C8orf34: variants seen among roughly 807,000 people sequenced by gnomAD.
The protein encoded by C8orf34 is uncharacterized protein C8orf34.
Under a neutral mutation model 68.3 loss-of-function variants are expected in C8orf34, and 65 were observed. The ratio of observed to expected loss-of-function variants is 0.95; its 90% confidence interval spans 0.78 to 1.17. C8orf34 has a LOEUF of 1.17. Ranked by LOEUF, C8orf34 falls within the 50% of genes most tolerant of loss-of-function variation. The pLI, the probability that C8orf34 is intolerant of heterozygous loss-of-function variation, is 0.00. For synonymous variants in C8orf34, 244 were observed against 241.2 expected (o/e 1.01, Z -0.11); for missense variants, 664 against 655.4 (o/e 1.01, Z -0.14).
intron 1 of C8orf34, among the ~76,000 whole-genome samples, chr8:68,361,515 C>A (rs1339900821): frequency 6.6e-6 from 1 of 152,218 alleles, no homozygotes; most frequent in Non-Finnish European, 1.5e-5. Flanking sequence ...TACCACATTA[C>A]TCTATCCAAC....
At chr8:68,625,732 A>G in intron 7 of C8orf34, 1 of 570,088 alleles carries the variant, frequency 1.8e-6, no homozygotes, top group Non-Finnish European at 3.2e-6. Flanking sequence ...ATATACATCA[A>G]CAGCAATTTT....
chr8:68,651,221 T>A (rs1026962811), intron 8 of C8orf34, among the ~76,000 whole-genome samples: 1 of 152,140 alleles, frequency 6.6e-6, no homozygotes, highest in Non-Finnish European at 1.5e-5. Context: ...AAGACTGTGA[T>A]GTGAAGGAAA....
At chr8:68,665,566 G>A (rs943051019) in intron 8 of C8orf34, among the ~76,000 whole-genome samples, 10 of 151,964 alleles carry the variant, frequency 6.6e-5, no homozygotes, top group South Asian at 2.1e-4. Flanking sequence ...ACATCATTTC[G>A]TACCATTCTC....
intron 10 of C8orf34, among the ~76,000 whole-genome samples, chr8:68,757,806 T>A (rs10096688): frequency 0.53 from 80,044 of 151,936 alleles, 22,580 homozygotes; most frequent in African/African-American, 0.73. Context: ...CAGAGACCCA[T>A]GGTCAAATCT....
chr8:68,494,746 C>T (rs562962565), intron 5 of C8orf34, among the ~76,000 whole-genome samples: 14 of 151,844 alleles, frequency 9.2e-5, no homozygotes, highest in Admixed American at 3.9e-4. Context: ...ATATCAGCTA[C>T]TTGGGAGGCT....
intron 1 of C8orf34, among the ~76,000 whole-genome samples, chr8:68,334,613 T>C (rs1210246193): frequency 6.6e-6 from 1 of 152,070 alleles, no homozygotes; most frequent in Non-Finnish European, 1.5e-5. Flanking sequence ...AATCTTAAGT[T>C]ACTAAGAAGC....
chr8:68,749,321 G>A (rs1822625169), intron 10 of C8orf34, among the ~76,000 whole-genome samples: 1 of 151,938 alleles, frequency 6.6e-6, no homozygotes, highest in Admixed American at 6.6e-5. Context: ...GCACCAGCAT[G>A]GCACATGTAT....
chr8:68,517,935 G>T (rs1483836831), intron 5 of C8orf34, among the ~76,000 whole-genome samples: 1 of 152,076 alleles, frequency 6.6e-6, no homozygotes, highest in Admixed American at 6.6e-5. Flanking sequence ...AACTTTATAG[G>T]ATGAAAATCT....
chr8:68,679,028 C>T (rs56372923), intron 8 of C8orf34, among the ~76,000 whole-genome samples: 32,055 of 151,878 alleles, frequency 0.21, 3,627 homozygotes, highest in Middle Eastern at 0.35. Flanking sequence ...AGGCCAGGCA[C>T]GGTGGCTCCT....
chr8:68,758,925 G>C (rs984707434), intron 10 of C8orf34, among the ~76,000 whole-genome samples: 1 of 152,048 alleles, frequency 6.6e-6, no homozygotes, highest in African/African-American at 2.4e-5. Context: ...ATCATTCTTA[G>C]CAACTGGCAC....
intron 5 of C8orf34, among the ~76,000 whole-genome samples, chr8:68,521,518 C>T (rs534375595): frequency 3.3e-5 from 5 of 152,290 alleles, no homozygotes; most frequent in African/African-American, 1.2e-4. Context: ...TTCCTTCTGC[C>T]TTGAATGCTC....
intron 11 of C8orf34, among the ~76,000 whole-genome samples, chr8:68,777,771 A>AT (rs1823563545): frequency 1.3e-5 from 2 of 152,204 alleles, no homozygotes; most frequent in Non-Finnish European, 2.9e-5. Context: ...AAAATCTCCA[A>AT]TTTTATATAA....
In C8orf34 at chr8:68,625,154, A is replaced by ACCTAGCC. The variant is rs1818501693; in HGVS notation, c.1106-15222_1106-15221insCCTAGCC. Among the ~76,000 whole-genome samples, 4 of 152,130 alleles carry ACCTAGCC rather than the reference A, an allele frequency of 2.6e-5. No individual in the cohort carries two copies. In the East Asian group the frequency reaches 7.7e-4, roughly 29 times the overall value. On this transcript the variant is annotated intron_variant, in intron 7 of 13. Coordinates refer to ENST00000518698, the MANE Select transcript of C8orf34 (RefSeq NM_052958.4). ...CATGAATGTAGGGAGAGAACACAGT[A>ACCTAGCC]TGGGTTAGCTAGGTAAAGGCTTCTG...
At chr8:68,575,255 C>T (rs1196360579) in intron 7 of C8orf34, among the ~76,000 whole-genome samples, 1 of 151,892 alleles carries the variant, frequency 6.6e-6, no homozygotes, top group African/African-American at 2.4e-5. Flanking sequence ...TATTAAAACG[C>T]CAATAAAATT....
chr8:68,640,528 G>C lies in C8orf34; in HGVS notation c.1241+17G>C. 6.2e-7 allele frequency: 1 copy of C among 1,605,522 alleles called. No homozygotes were observed. Among genetic ancestry groups the C allele is most frequent in the Non-Finnish European group, 8.5e-7 (1 of 1,176,196 alleles). On this transcript the variant is annotated intron_variant, in intron 8 of 13. Coordinates refer to ENST00000518698, the MANE Select transcript of C8orf34 (RefSeq NM_052958.4). ...GTGTGCCAGGTAAAAGACATAATAG[G>C]TATAGTATATATAAACATGATCTTG...
chr8:68,610,584 C>T (rs1199560221), intron 7 of C8orf34, among the ~76,000 whole-genome samples: 2 of 152,094 alleles, frequency 1.3e-5, no homozygotes, highest in Non-Finnish European at 2.9e-5. Flanking sequence ...GCATACTCAG[C>T]AACAAGTCTT....
intron 6 of C8orf34, among the ~76,000 whole-genome samples, chr8:68,528,673 G>T (rs1815116870): frequency 6.6e-6 from 1 of 152,148 alleles, no homozygotes; most frequent in South Asian, 2.1e-4. Context: ...GGGGCACACT[G>T]GTGCTACCCG....
intron 1 of C8orf34, among the ~76,000 whole-genome samples, chr8:68,389,193 G>T (rs1381897781): frequency 6.6e-6 from 1 of 152,144 alleles, no homozygotes; most frequent in East Asian, 1.9e-4. Context: ...CATGGAGCCT[G>T]TTATATATTG....
rs1805548681 is a variant in C8orf34, at chr8:68,330,992, G to A, written c.-21G>A. ...GCTGCGGAGAGCGGCGAGGGTGGGC[G>A]CGAGGCGGAGAACGCGATGAATGAG... On this transcript the variant is annotated 5_prime_UTR_variant, in exon 1 of 14. Coordinates refer to ENST00000518698, the MANE Select transcript of C8orf34 (RefSeq NM_052958.4). The A allele has an allele frequency of 2.9e-6, 4 of 1,384,072 alleles. No individual in the cohort carries two copies. In the East Asian group the frequency reaches 8.9e-5, roughly 31 times the overall value. 85.7% of individuals were successfully genotyped at this position (1,384,072 alleles called of 1,614,324 possible). A position where few individuals can be genotyped will look rare whatever the true frequency, so the allele number is the denominator to read the frequency against.
Sources: allele counts gnomAD v4.1 joint callset (sites outside exome capture counted in the v4.1 genomes callset), GRCh38; gene constraint gnomAD v4.1.1; transcripts MANE v1.5; gene names NCBI Gene and HGNC (gene_info 2026-07-23, HGNC 2026-07-21).